AQR: variants seen among roughly 807,000 people sequenced by gnomAD.
The protein encoded by AQR is RNA helicase aquarius.
A neutral mutation model predicts 180.5 loss-of-function variants in AQR; 61 were observed. The observed-to-expected ratio is 0.34, with a 90% CI of 0.28 to 0.42. AQR has a LOEUF of 0.42. AQR is among the 10% of genes least tolerant of loss of function. The probability of loss-of-function intolerance (pLI) is 1.00; values close to 1 mark genes in which losing one functional copy is unlikely to be tolerated. For synonymous variants in AQR, 551 were observed against 588.8 expected (o/e 0.94, Z 0.93); for missense variants, 1,281 against 1,798.3 (o/e 0.71, Z 5.20).
rs746529344 is a variant in AQR at position 34,873,897 on chromosome 15, G to A, written c.3528C>T (p.Asp1176=). 2.5e-6 allele frequency: 4 copies of A among 1,611,948 alleles called. No homozygotes were observed. Among genetic ancestry groups the A allele is most frequent in the Non-Finnish European group, 3.4e-6 (4 of 1,178,720 alleles). Residue 1176 remains aspartate (D), a synonymous_variant, in exon 30 of 35, where the codon GAC becomes GAT. Coordinates refer to ENST00000156471, the MANE Select transcript of AQR (RefSeq NM_014691.3). ...AATCTTCAACATTAATGAGCTGGAA[G>A]TCATACAGTAAGCCAGCATTTGCTG... The part of the protein sequence containing the change: ...FSTANAGLLY[D]FQLINVEDFQ...
chr15:34,887,845 A>C (rs1893085698), intron 24 of AQR, among the ~76,000 whole-genome samples: 1 of 152,200 alleles, frequency 6.6e-6, no homozygotes, highest in South Asian at 2.1e-4. Context: ...AGAATTTTTC[A>C]ACTTGGAAGG....
At chr15:34,873,721 T>C (rs1170354133) in intron 30 of AQR, 107 bp downstream of exon 30, 2 of 957,942 alleles carry the variant, frequency 2.1e-6, no homozygotes, top group Admixed American at 2.7e-5. Context: ...TAAGGTGGGG[T>C]TCCAACTTTC....
At chr15:34,878,533 T>C (rs1278485141) in intron 27 of AQR, among the ~76,000 whole-genome samples, 1 of 152,160 alleles carries the variant, frequency 6.6e-6, no homozygotes, top group Admixed American at 6.5e-5. Context: ...TGATGATTAT[T>C]ATCATTGTTC....
chr15:34,859,090 G>A (rs551267474), intron 34 of AQR, among the ~76,000 whole-genome samples: 2 of 152,220 alleles, frequency 1.3e-5, no homozygotes, highest in Middle Eastern at 3.4e-3. Flanking sequence ...TAAAACTTTT[G>A]CTCTTTGAAA....
At chr15:34,859,450 G>A (rs1231809924) in intron 34 of AQR, among the ~76,000 whole-genome samples, 2 of 152,190 alleles carry the variant, frequency 1.3e-5, no homozygotes, top group African/African-American at 4.8e-5. Flanking sequence ...GCTGCTGAGA[G>A]TGTAAAGTGG....
intron 5 of AQR, among the ~76,000 whole-genome samples, chr15:34,944,838 T>C (rs1894085491): frequency 6.6e-6 from 1 of 152,242 alleles, no homozygotes; most frequent in African/African-American, 2.4e-5. Flanking sequence ...CCCCTCCTGC[T>C]TTATATTAGC....
At chr15:34,866,820 G>T (rs1892743270) in intron 32 of AQR, among the ~76,000 whole-genome samples, 1 of 151,988 alleles carries the variant, frequency 6.6e-6, no homozygotes, top group South Asian at 2.1e-4. Context: ...TTACATAAAA[G>T]TTATTAATCT....
chr15:34,906,132 C>A (rs1399417266), intron 18 of AQR, among the ~76,000 whole-genome samples: 2 of 151,986 alleles, frequency 1.3e-5, no homozygotes, highest in African/African-American at 2.4e-5. Context: ...GTAATCCCAG[C>A]ACTTTGGGAG....
In AQR at chr15:34,854,731, GC is replaced by G. The variant is rs943289993; in HGVS notation, c.*2060del. 2 of 152,098 alleles carry G rather than the reference GC, an allele frequency of 1.3e-5. No homozygotes were observed. Among genetic ancestry groups the G allele is most frequent in the Non-Finnish European group, 1.5e-5 (1 of 68,024 alleles). 9.4% of individuals were successfully genotyped at this position (152,098 alleles called of 1,614,324 possible). A position where few individuals can be genotyped will look rare whatever the true frequency, so the allele number is the denominator to read the frequency against. On this transcript the variant is annotated 3_prime_UTR_variant, in exon 35 of 35. Transcript: ENST00000156471. Reference sequence around the variant, plus strand: ...TGCTTTTTAGTGATAGAAAAACCAAGCAGCAAAGAAAAAAGTATGGTCACTC... The same window carrying G: ...TGCTTTTTAGTGATAGAAAAACCAAGAGCAAAGAAAAAAGTATGGTCACTC...
At chr15:34,963,752 C>T (rs1203847034) in intron 2 of AQR, among the ~76,000 whole-genome samples, 1 of 150,742 alleles carries the variant, frequency 6.6e-6, no homozygotes, top group African/African-American at 2.5e-5. Flanking sequence ...CACGCTCCGC[C>T]TCCCAGGTTC....
At chr15:34,858,218 A>T (rs1233255845) in intron 34 of AQR, among the ~76,000 whole-genome samples, 2 of 151,110 alleles carry the variant, frequency 1.3e-5, no homozygotes, top group Non-Finnish European at 2.9e-5. Context: ...TCCTGACCGC[A>T]GGTGATCCAC....
chr15:34,889,457 G>T (rs1402592726), intron 24 of AQR, among the ~76,000 whole-genome samples: 5 of 151,840 alleles, frequency 3.3e-5, no homozygotes, highest in Non-Finnish European at 7.4e-5. Context: ...ATCTAAAATT[G>T]GGCTTTAAAA....
chr15:34,936,195 C>A (rs1271899825), intron 9 of AQR, among the ~76,000 whole-genome samples: 11 of 152,178 alleles, frequency 7.2e-5, no homozygotes, highest in African/African-American at 2.7e-4. Flanking sequence ...CTCAGACTAT[C>A]CTGCACAGAT....
At chr15:34,869,917 A>T (rs1377836964) in intron 31 of AQR, 1 of 152,182 alleles carries the variant, frequency 6.6e-6, no homozygotes, top group Non-Finnish European at 1.5e-5. Context: ...TTTCTGGAGC[A>T]TGTATCCTAT....
In AQR at chr15:34,910,190, A is replaced by G; in HGVS notation, c.1608T>C (p.Arg536=). Residue 536 remains arginine, a synonymous_variant, in exon 17 of 35, where the codon CGT becomes CGC. Coordinates refer to ENST00000156471, the MANE Select transcript of AQR (RefSeq NM_014691.3). ...CATTGAGATTTATGGTAACATCTGC[A>G]CGAACTCGGGTTGGCCAGTTTTCAC... The part of the protein sequence containing the change: ...NIGENWPTRV[R]ADVTINLNVR... 6.2e-7 allele frequency: 1 copy of G among 1,614,248 alleles called. No homozygotes were observed. The highest frequency in any genetic ancestry group is 8.5e-7 in the Non-Finnish European group (1 of 1,180,048).
chr15:34,900,248 T>A (rs1893311179), intron 20 of AQR, among the ~76,000 whole-genome samples: 1 of 152,152 alleles, frequency 6.6e-6, no homozygotes, highest in African/African-American at 2.4e-5. Context: ...AAAAAAAGAT[T>A]TTTTTCCTAA....
At chr15:34,910,513 G>T (rs767869423) in intron 16 of AQR, among the ~76,000 whole-genome samples, 200 bp from the exon 17 acceptor site, 1 of 151,270 alleles carries the variant, frequency 6.6e-6, no homozygotes, top group Non-Finnish European at 1.5e-5. Context: ...ATGAAACAGG[G>T]ATATGATAGC....
At chr15:34,875,867 A>G in intron 28 of AQR, 68 bp downstream of exon 28, 1 of 1,279,782 alleles carries the variant, frequency 7.8e-7, no homozygotes. Context: ...AAACTGTACA[A>G]CTTTCTGATG....
intron 5 of AQR, among the ~76,000 whole-genome samples, chr15:34,947,155 G>C (rs1298371865): frequency 6.8e-6 from 1 of 147,046 alleles, no homozygotes; most frequent in African/African-American, 2.7e-5. Context: ...TTTTCATTTT[G>C]TTCTGTACTA....
Sources: allele counts gnomAD v4.1 joint callset (sites outside exome capture counted in the v4.1 genomes callset), GRCh38; gene constraint gnomAD v4.1.1; transcripts MANE v1.5; gene names NCBI Gene and HGNC (gene_info 2026-07-23, HGNC 2026-07-21).